FUBP3: variants seen among roughly 807,000 people sequenced by gnomAD.
The protein encoded by FUBP3 is far upstream element binding protein 3.
Under a neutral mutation model 85.6 loss-of-function variants are expected in FUBP3, and 28 were observed. The ratio of observed to expected loss-of-function variants is 0.33; its 90% CI spans 0.24 to 0.45. FUBP3 has a LOEUF of 0.45. Ranked by LOEUF, FUBP3 falls within the 20% of genes least tolerant of loss-of-function variation. The pLI is 1.00. For missense variants in FUBP3, 583 were observed against 755.1 expected (o/e 0.77, Z 2.67); for synonymous variants, 271 against 271.4 (o/e 1.00, Z 0.01).
At chr9:130,626,190 A>G (rs1287153598) in intron 11 of FUBP3, 174 bp from the exon 12 acceptor site, 2 of 635,410 alleles carry the variant, frequency 3.1e-6, no homozygotes, top group African/African-American at 3.7e-5. Context: ...TACACCTGTG[A>G]TCGGTGTTAA....
chr9:130,592,381 C>A (rs1242643375), intron 1 of FUBP3, among the ~76,000 whole-genome samples: 2 of 152,166 alleles, frequency 1.3e-5, no homozygotes, highest in Non-Finnish European at 2.9e-5. Flanking sequence ...TGTGTTCTAA[C>A]AAAACTCTAA....
At chr9:130,586,009 G>A (rs1348962898) in intron 1 of FUBP3, among the ~76,000 whole-genome samples, 2 of 152,162 alleles carry the variant, frequency 1.3e-5, no homozygotes, top group African/African-American at 4.8e-5. Flanking sequence ...TTGGTTTTGG[G>A]TTTTCTTGAG....
At chr9:130,614,923 G>C (rs1436914553) in intron 6 of FUBP3, among the ~76,000 whole-genome samples, 1 of 152,102 alleles carries the variant, frequency 6.6e-6, no homozygotes, top group Non-Finnish European at 1.5e-5. Context: ...CTTATACCAG[G>C]TGCAGGTGTC....
intron 2 of FUBP3, among the ~76,000 whole-genome samples, chr9:130,596,815 G>T (rs966100651): frequency 6.6e-6 from 1 of 152,010 alleles, no homozygotes; most frequent in Non-Finnish European, 1.5e-5. Flanking sequence ...ATATTTATGG[G>T]GTACATGAGA....
intron 16 of FUBP3, among the ~76,000 whole-genome samples, chr9:130,632,912 A>G (rs1830272088): frequency 6.6e-6 from 1 of 152,390 alleles, no homozygotes; most frequent in East Asian, 1.9e-4. Context: ...AAAGCAAAGC[A>G]GAACCCTTAC....
Position 130,612,523 on chromosome 9 carries a change from C to G in FUBP3, c.274+18C>G, listed in dbSNP as rs369831278. The G allele has an allele frequency of 9.8e-5, 145 of 1,474,870 alleles. No homozygotes were observed. Among genetic ancestry groups the G allele is most frequent in the Non-Finnish European group, 1.3e-4 (137 of 1,055,532 alleles). The allele number at this position is 1,474,870 out of a possible 1,614,324, so 91.4% of individuals were successfully genotyped here. ...TGGATTTAGTAAGTATCCATGTTGTCTACTTTTTCCCTGATTCCTGTCTCT... is the reference window on the plus strand; with the variant it reads ...TGGATTTAGTAAGTATCCATGTTGTGTACTTTTTCCCTGATTCCTGTCTCT... On this transcript the variant is annotated intron_variant, in intron 4 of 18. Coordinates refer to ENST00000319725, the MANE Select transcript of FUBP3 (RefSeq NM_003934.2). This position sits in a 1 kb window ranked among gnomAD's most constrained non-coding sequence, Gnocchi z 4.1.
rs1385244746 is a variant in FUBP3 at position 130,622,721 on chromosome 9, G to C, written c.785G>C (p.Arg262Thr). Reference protein sequence around the residue: ...GGGSIEVSVPRFAVGIVIGRN... With the variant: ...GGGSIEVSVPTFAVGIVIGRN... ...CTCTGTGCCTAGGTATCTGTGCCTA[G>C]GTTTGCTGTGGGGATTGTAATAGGA... Residue 262 changes from arginine to threonine, a missense_variant, in exon 10 of 19, where the codon AGG becomes ACG. Arg to Thr is a moderately conservative substitution (Grantham distance 71). This residue lies in a region of FUBP3 where 404 missense variants were observed against 516.8 expected (regional missense o/e 0.78). Transcript: ENST00000319725. The C allele has an allele frequency of 6.3e-7, 1 of 1,579,704 alleles. No homozygotes were observed. Among genetic ancestry groups the C allele is most frequent in the East Asian group, 2.3e-5 (1 of 44,364 alleles).
At chr9:130,579,834 T>C in intron 1 of FUBP3, 70 bp downstream of exon 1, 1 of 934,212 alleles carries the variant, frequency 1.1e-6, no homozygotes, top group Non-Finnish European at 1.4e-6. Context: ...GAAGAGGGGT[T>C]CGGGCCTGGG....
At position 130,637,159 on chromosome 9, in the gene FUBP3, C is replaced by T. The variant is rs927821325; in HGVS notation, c.*137C>T. The T allele has an allele frequency of 1.7e-5, 12 of 694,024 alleles. No individual in the cohort carries two copies. Among genetic ancestry groups the T allele is most frequent in the East Asian group, 2.7e-5 (1 of 37,114 alleles). The allele number at this position is 694,024 out of a possible 1,614,324, so 43.0% of individuals were successfully genotyped here. A position where few individuals can be genotyped will look rare whatever the true frequency, so the allele number is the denominator to read the frequency against. Reference sequence around the variant, plus strand: ...CTGTGAAACACTATATTTAGATTAACGGAATTTTTCTAAAAATCAGGAAAA... The same window carrying T: ...CTGTGAAACACTATATTTAGATTAATGGAATTTTTCTAAAAATCAGGAAAA... On this transcript the variant is annotated 3_prime_UTR_variant, in exon 19 of 19. Transcript: ENST00000319725.
chr9:130,589,033 C>T (rs930148249), intron 1 of FUBP3, among the ~76,000 whole-genome samples: 14 of 152,300 alleles, frequency 9.2e-5, no homozygotes, highest in African/African-American at 3.4e-4. Context: ...TGCCAATCAA[C>T]AGGATCCCTG....
intron 1 of FUBP3, among the ~76,000 whole-genome samples, chr9:130,589,642 C>T (rs1234771745): frequency 7.4e-6 from 1 of 134,802 alleles, no homozygotes; most frequent in Non-Finnish European, 1.6e-5. Context: ...CTGCACCCAG[C>T]CAGATTTATT....
intron 12 of FUBP3, among the ~76,000 whole-genome samples, chr9:130,627,318 A>G (rs1170191467): frequency 6.6e-6 from 1 of 152,172 alleles, no homozygotes; most frequent in African/African-American, 2.4e-5. Flanking sequence ...TGGGTTTCGT[A>G]TTTGCCTTCA....
chr9:130,627,620 C>T (rs981063602), intron 12 of FUBP3, among the ~76,000 whole-genome samples: 5 of 152,164 alleles, frequency 3.3e-5, no homozygotes, highest in Admixed American at 6.5e-5. Context: ...GGTATGGGTT[C>T]GTGTTCATTT....
intron 6 of FUBP3, among the ~76,000 whole-genome samples, chr9:130,615,631 A>G (rs1376643851): frequency 6.6e-6 from 1 of 152,236 alleles, no homozygotes; most frequent in Non-Finnish European, 1.5e-5. Context: ...CTGTCACAAC[A>G]TTGCAGTTGC....
chr9:130,587,066 TTG>T (rs755387760), intron 1 of FUBP3, among the ~76,000 whole-genome samples: 12 of 128,986 alleles, frequency 9.3e-5, no homozygotes, highest in African/African-American at 1.2e-4. Flanking sequence ...TTTTTTTTTT[TTG>T]TTTGTTTGTT....
rs750936198 is a variant in FUBP3, at chr9:130,616,461, G to T, written c.511G>T (p.Ala171Ser). ...NSTIQEILIP[A>S]SKVGLVIGRG... ...CACAATCCAGGAGATTCTCATTCCC[G>T]CATCTAAAGTGGGTCTGGTCATCGG... Residue 171 changes from alanine to serine, a missense_variant, in exon 7 of 19, where the codon GCA (alanine) becomes TCA (serine). By Grantham distance (99) the Ala-to-Ser change is moderately conservative. Transcript: ENST00000319725. The surrounding 1 kb of genome is among the most constrained non-coding windows in gnomAD (Gnocchi z 4.7). The T allele has an allele frequency of 3.7e-6, 6 of 1,613,904 alleles. No individual in the cohort carries two copies. Among genetic ancestry groups the T allele is most frequent in the Non-Finnish European group, 5.1e-6 (6 of 1,179,826 alleles).
intron 1 of FUBP3, among the ~76,000 whole-genome samples, chr9:130,592,602 G>T (rs112036577): frequency 7.0e-4 from 106 of 152,274 alleles, no homozygotes; most frequent in Middle Eastern, 6.8e-3. Flanking sequence ...CTGGAGTTCA[G>T]TGGCTCGATC....
At chr9:130,595,020 C>T (rs540571137) in intron 1 of FUBP3, among the ~76,000 whole-genome samples, 90 of 151,886 alleles carry the variant, frequency 5.9e-4, no homozygotes, top group Non-Finnish European at 7.2e-4. Context: ...CGAGGTTGGG[C>T]GTTCGAGGCC....
chr9:130,614,810 A>G (rs1831919797), intron 6 of FUBP3, among the ~76,000 whole-genome samples: 1 of 152,212 alleles, frequency 6.6e-6, no homozygotes. Context: ...CTCTACTCAG[A>G]GGGCCGTACG....
Sources: allele counts gnomAD v4.1 joint callset (sites outside exome capture counted in the v4.1 genomes callset), GRCh38; gene constraint gnomAD v4.1.1; regional missense constraint gnomAD v4.1.1; non-coding constraint Gnocchi (gnomAD v3.1); transcripts MANE v1.5; gene names NCBI Gene and HGNC (gene_info 2026-07-23, HGNC 2026-07-21).